TCF20: variants seen among roughly 807,000 people sequenced by gnomAD.
The protein encoded by TCF20 is transcription factor 20.
A neutral mutation model predicts 148.6 loss-of-function variants in TCF20; 3 were observed. That is an observed-to-expected ratio of 0.02 (90% CI 0.01 to 0.05). The LOEUF is 0.05. Among genes scored for constraint, TCF20 ranks in the 10% least tolerant of loss-of-function variants. The probability of loss-of-function intolerance (pLI) is 1.00; values close to 1 mark genes in which losing one functional copy is unlikely to be tolerated. For synonymous variants in TCF20, 1,049 were observed against 909.5 expected (o/e 1.15, Z -2.76); for missense variants, 2,350 against 2,429.3 (o/e 0.97, Z 0.69).
chr22:42,285,276 G>C (rs1412030304), upstream of TCF20, among the ~76,000 whole-genome samples: 1 of 152,036 alleles, frequency 6.6e-6, no homozygotes, highest in East Asian at 1.9e-4. The surrounding 1 kb of genome is among the most constrained non-coding windows in gnomAD (Gnocchi z 4.2). Context: ...TAAGCGCCAG[G>C]TCCTGGTTAT....
chr22:42,232,280 G>A (rs146693729), intron 1 of TCF20, among the ~76,000 whole-genome samples: 5 of 152,018 alleles, frequency 3.3e-5, no homozygotes, highest in Admixed American at 1.3e-4. Flanking sequence ...ATGGGCAGTC[G>A]GCTACACCCA....
chr22:42,250,682 G>A (rs2147345981), intron 1 of TCF20, among the ~76,000 whole-genome samples: 1 of 152,284 alleles, frequency 6.6e-6, no homozygotes, highest in Non-Finnish European at 1.5e-5. Context: ...TATACTGAGT[G>A]ATTAAACTTG....
chr22:42,240,896 C>T (rs752677091), intron 1 of TCF20, among the ~76,000 whole-genome samples: 1 of 152,084 alleles, frequency 6.6e-6, no homozygotes, highest in Non-Finnish European at 1.5e-5. Context: ...CTCTGTCCCC[C>T]CCAGGCTGGA....
intron 1 of TCF20, among the ~76,000 whole-genome samples, chr22:42,301,153 G>A (rs1215861832): frequency 1.3e-5 from 2 of 152,310 alleles, no homozygotes; most frequent in African/African-American, 4.8e-5. Flanking sequence ...GTGGATGTGG[G>A]GGTTCAGAAA....
At chr22:42,267,868 A>G (rs134878) in intron 1 of TCF20, among the ~76,000 whole-genome samples, 96,982 of 151,980 alleles carry the variant, frequency 0.64, 31,061 homozygotes, top group East Asian at 0.66. Context: ...GATCTAGCCC[A>G]GGCGCAGTGG....
At position 42,211,830 on chromosome 22, in the gene TCF20, T is replaced by C. The variant is rs1397301143; in HGVS notation, c.3476A>G (p.Glu1159Gly). 4 of 1,614,190 alleles carry C rather than the reference T, an allele frequency of 2.5e-6. No homozygotes were observed. The highest frequency in any genetic ancestry group is 2.5e-6 in the Non-Finnish European group (3 of 1,180,036). The change falls in exon 2 of 6, where the codon GAG (glutamate) becomes GGG (glycine). Residue 1159 changes from glutamate to glycine, a missense_variant. Around this residue, in one of 7 missense-constraint regions of TCF20, gnomAD observed 1,641 missense variants for 1,662.6 expected, o/e 0.99. Coordinates refer to ENST00000677622, the MANE Select transcript of TCF20 (RefSeq NM_001378418.1). ...ACTAGACATTAGGCAGCGCCCAGCCTCCTGGGCACTGGGGTCATGGTAAGT... is the reference window on the plus strand; with the variant it reads ...ACTAGACATTAGGCAGCGCCCAGCCCCCTGGGCACTGGGGTCATGGTAAGT... ...VGTYHDPSAQ[E>G]AGRCLMSSDG...
rs1055051821 is a variant in TCF20, at chr22:42,210,310, C to T, written c.4996G>A (p.Gly1666Ser). The change falls in exon 2 of 6, where the codon GGT becomes AGT. Residue 1666 changes from glycine to serine, a missense_variant. Gly to Ser is a moderately conservative substitution (Grantham distance 56). This residue lies in a region of TCF20 where 374 missense variants were observed against 398.3 expected (regional missense o/e 0.94). Coordinates refer to ENST00000677622, the MANE Select transcript of TCF20 (RefSeq NM_001378418.1). This position sits in a 1 kb window ranked among gnomAD's most constrained non-coding sequence, Gnocchi z 4.7. ...GGTGGAGGGGTCAGTGACCTCTGACCCTTCCTGCCCCTCACTAATTTGGTC... is the reference window on the plus strand; with the variant it reads ...GGTGGAGGGGTCAGTGACCTCTGACTCTTCCTGCCCCTCACTAATTTGGTC... Reference protein sequence around the residue: ...EQTKLVRGRKGQRSLTPPPSS... With the variant: ...EQTKLVRGRKSQRSLTPPPSS... 4.3e-6 allele frequency: 7 copies of T among 1,614,032 alleles called. No individual in the cohort carries two copies. The highest frequency in any genetic ancestry group is 5.9e-6 in the Non-Finnish European group (7 of 1,180,044).
At position 42,291,102 on chromosome 22, in the gene TCF20, C is replaced by T. The variant is rs181329662; in HGVS notation, c.-37+52377G>A. 1.5e-3 allele frequency among the ~76,000 whole-genome samples: 226 copies of T among 152,306 alleles called. 1 individual carries two copies. Among genetic ancestry groups the T allele is most frequent in the Middle Eastern group, 0.014 (4 of 294 alleles). ...GCCTCACTCCATGCCCCATCCTTCC[C>T]GTCTCTGGGACTCCATCTCCTCTTC... On this transcript the variant is annotated intron_variant, in intron 1 of 1. Coordinates refer to the TCF20 transcript ENST00000515426.
At chr22:42,268,066 A>C (rs1316345571) in intron 1 of TCF20, among the ~76,000 whole-genome samples, 7 of 152,096 alleles carry the variant, frequency 4.6e-5, no homozygotes, top group African/African-American at 9.7e-5. Flanking sequence ...GAATCACCTG[A>C]AACTGGGAGG....
At chr22:42,251,915 T>C (rs1357555916) in intron 1 of TCF20, among the ~76,000 whole-genome samples, 1 of 152,024 alleles carries the variant, frequency 6.6e-6, no homozygotes, top group Non-Finnish European at 1.5e-5. Flanking sequence ...AAGAACTGTG[T>C]CTTTTAGGCC....
chr22:42,161,093 A>T lies in TCF20; in HGVS notation c.*310T>A, dbSNP rs1367784798. ...TTATCCCTCCCTTTTAATTCCCCCC[A>T]CCCTTTCCCCATCATCCCACCCCTC... On this transcript the variant is annotated 3_prime_UTR_variant, in exon 6 of 6. Transcript: ENST00000677622. The T allele has an allele frequency of 3.2e-6, 1 of 313,760 alleles. No homozygotes were observed. The allele number at this position is 313,760 out of a possible 1,614,324, so 19.4% of individuals were successfully genotyped here.
intron 2 of TCF20, among the ~76,000 whole-genome samples, chr22:42,199,508 T>C (rs979768958): frequency 1.2e-4 from 18 of 151,952 alleles, no homozygotes; most frequent in Non-Finnish European, 2.5e-4. Context: ...CATGTGCTCT[T>C]TCTCAGTGTA....
At chr22:42,174,290 T>C (rs932835129) in intron 3 of TCF20, among the ~76,000 whole-genome samples, 5 of 152,358 alleles carry the variant, frequency 3.3e-5, no homozygotes, top group East Asian at 1.9e-4. Context: ...GGTTACCACA[T>C]TGGAGAGTGC....
At chr22:42,266,545 ACCT>A (rs1354230603) in intron 1 of TCF20, among the ~76,000 whole-genome samples, 1 of 151,832 alleles carries the variant, frequency 6.6e-6, no homozygotes, top group Non-Finnish European at 1.5e-5. Context: ...CAGGCTGATA[ACCT>A]CCTGACCTCA....
chr22:42,339,422 C>G (rs955946640), intron 1 of TCF20, among the ~76,000 whole-genome samples: 3 of 152,152 alleles, frequency 2.0e-5, no homozygotes, highest in Non-Finnish European at 4.4e-5. Flanking sequence ...TACCTGGTAC[C>G]CCCTGGCTTG....
chr22:42,232,234 T>C (rs188144750), intron 1 of TCF20, among the ~76,000 whole-genome samples: 13 of 152,316 alleles, frequency 8.5e-5, no homozygotes, highest in Admixed American at 3.9e-4. Flanking sequence ...TACAGGTTTG[T>C]ATCCTAGGAG....
chr22:42,273,000 CTATT>C (rs1387839975), upstream of TCF20, among the ~76,000 whole-genome samples: 7 of 151,980 alleles, frequency 4.6e-5, no homozygotes, highest in East Asian at 1.9e-4. Flanking sequence ...CCCCTCATCT[CTATT>C]TATTTAAAAG....
chr22:42,317,665 G>T lies in TCF20; in HGVS notation c.-37+25814C>A, dbSNP rs1157852847. Among the ~76,000 whole-genome samples, 1 of 152,238 alleles carries T rather than the reference G, an allele frequency of 6.6e-6. No homozygotes were observed. Among genetic ancestry groups the T allele is most frequent in the African/African-American group, 2.4e-5 (1 of 41,464 alleles). On this transcript the variant is annotated intron_variant, in intron 1 of 1. Coordinates refer to the TCF20 transcript ENST00000515426. The surrounding 1 kb of genome is among the most constrained non-coding windows in gnomAD (Gnocchi z 4.2). ...GCTGGGGGCTGGGGGGGAAAGGGGT[G>T]TAGACTCAGCCGCAGGACAGCGGGA...
chr22:42,234,488 A>G (rs1169543315), intron 1 of TCF20, among the ~76,000 whole-genome samples: 1 of 152,180 alleles, frequency 6.6e-6, no homozygotes, highest in Non-Finnish European at 1.5e-5. Flanking sequence ...TTCCTGTGAA[A>G]TGAACACAGG....
Sources: allele counts gnomAD v4.1 joint callset (sites outside exome capture counted in the v4.1 genomes callset), GRCh38; gene constraint gnomAD v4.1.1; regional missense constraint gnomAD v4.1.1; non-coding constraint Gnocchi (gnomAD v3.1); transcripts MANE v1.5; gene names NCBI Gene and HGNC (gene_info 2026-07-23, HGNC 2026-07-21).